SLC25A26: variants seen among roughly 807,000 people sequenced by gnomAD.
SLC25A26 encodes mitochondrial S-adenosylmethionine carrier protein.
A neutral mutation model predicts 37.8 loss-of-function variants in SLC25A26; 36 were observed. The ratio of observed to expected loss-of-function variants is 0.95; its 90% CI spans 0.73 to 1.26. The LOEUF is 1.26. SLC25A26 is among the 50% of genes most tolerant of loss of function. The probability of loss-of-function intolerance (pLI) is 0.00; values close to 1 mark genes in which losing one functional copy is unlikely to be tolerated. For missense variants in SLC25A26, 390 were observed against 331.1 expected (o/e 1.18, Z -1.38); for synonymous variants, 129 against 122.5 (o/e 1.05, Z -0.35).
chr3:66,307,542 C>T (rs535128045), intron 5 of SLC25A26, among the ~76,000 whole-genome samples: 33 of 152,220 alleles, frequency 2.2e-4, no homozygotes, highest in African/African-American at 6.0e-4. Flanking sequence ...CTGTTGTTGC[C>T]GTTGCTTTTG....
At chr3:66,167,211 G>A (rs914770042) in intron 1 of SLC25A26, among the ~76,000 whole-genome samples, 5 of 152,152 alleles carry the variant, frequency 3.3e-5, no homozygotes, top group Non-Finnish European at 4.4e-5. Flanking sequence ...AGATTGGTTC[G>A]AGGAAAGGGT....
At position 66,284,059 on chromosome 3, in the gene SLC25A26, G is replaced by A. The variant is rs532876972; in HGVS notation, c.453+20680G>A. On this transcript the variant is annotated intron_variant, in intron 5 of 9. Coordinates refer to ENST00000354883, the MANE Select transcript of SLC25A26 (RefSeq NM_001379210.1). ...TTAATATTACACACTTAAATATTTC[G>A]GGATAGACTGGGCATGGTGGCTCAT... Among the ~76,000 whole-genome samples, 7 of 151,798 alleles carry A rather than the reference G, an allele frequency of 4.6e-5. No homozygotes were observed. In the East Asian group the frequency reaches 7.8e-4, roughly 17 times the overall value.
chr3:66,161,322 T>C (rs1270944197), intron 1 of SLC25A26, among the ~76,000 whole-genome samples: 1 of 152,184 alleles, frequency 6.6e-6, no homozygotes, highest in Non-Finnish European at 1.5e-5. Flanking sequence ...AGGTTAGATA[T>C]CTGAAATTTT....
At chr3:66,310,625 G>T (rs1303399504) in intron 5 of SLC25A26, among the ~76,000 whole-genome samples, 1 of 152,168 alleles carries the variant, frequency 6.6e-6, no homozygotes, top group Non-Finnish European at 1.5e-5. Flanking sequence ...TGCAGTAGCT[G>T]GTATGGGATT....
At chr3:66,152,532 G>A (rs532678681) in intron 1 of SLC25A26, among the ~76,000 whole-genome samples, 1 of 152,038 alleles carries the variant, frequency 6.6e-6, no homozygotes, top group African/African-American at 2.4e-5. Flanking sequence ...TTCATTTTTT[G>A]GCTGACTTCC....
intron 6 of SLC25A26, among the ~76,000 whole-genome samples, chr3:66,355,555 G>A (rs768813789): frequency 6.6e-6 from 1 of 152,140 alleles, no homozygotes; most frequent in South Asian, 2.1e-4. Context: ...ATGGTGTGGC[G>A]GAATGAAAGC....
intron 5 of SLC25A26, among the ~76,000 whole-genome samples, chr3:66,284,535 A>C (rs1430514467): frequency 6.6e-6 from 1 of 152,150 alleles, no homozygotes; most frequent in Non-Finnish European, 1.5e-5. Context: ...TATGCATATC[A>C]ATATTGTTTA....
intron 5 of SLC25A26, among the ~76,000 whole-genome samples, chr3:66,339,591 A>G (rs142973233): frequency 1.4e-3 from 212 of 152,058 alleles, no homozygotes; most frequent in Non-Finnish European, 2.3e-3. Flanking sequence ...GGGAGTTTGT[A>G]TCTCATCATG....
intron 5 of SLC25A26, among the ~76,000 whole-genome samples, chr3:66,334,579 G>C (rs563907857): frequency 2.8e-4 from 43 of 152,330 alleles, no homozygotes; most frequent in African/African-American, 1.0e-3. Context: ...GCCTCCCAAA[G>C]TGCTAGGATT....
In SLC25A26 at chr3:66,256,012, G is replaced by C. The variant is rs1272236090; in HGVS notation, c.301-6039G>C. ...AAAACACAATAGTAAGAACTTGGAG[G>C]GTTATGAAGCATGAAGTTCCATAAA... On this transcript the variant is annotated intron_variant, in intron 3 of 9. Transcript: ENST00000354883. Among the ~76,000 whole-genome samples, 4 of 152,226 alleles carry C rather than the reference G, an allele frequency of 2.6e-5. No homozygotes were observed. In the East Asian group the frequency reaches 7.7e-4, roughly 29 times the overall value.
chr3:66,366,204 C>G (rs1266678439), intron 7 of SLC25A26, among the ~76,000 whole-genome samples: 1 of 152,200 alleles, frequency 6.6e-6, no homozygotes, highest in Non-Finnish European at 1.5e-5. Context: ...ACAAAAGCAG[C>G]CTGTAATTGC....
intron 1 of SLC25A26, among the ~76,000 whole-genome samples, chr3:66,175,463 G>A (rs1335168480): frequency 6.6e-6 from 1 of 152,118 alleles, no homozygotes; most frequent in Non-Finnish European, 1.5e-5. Context: ...GACCTCAGGT[G>A]ATTCACCCGC....
chr3:66,373,922 GGAT>G (rs1700490766), intron 9 of SLC25A26, among the ~76,000 whole-genome samples: 1 of 152,114 alleles, frequency 6.6e-6, no homozygotes, highest in Non-Finnish European at 1.5e-5. Flanking sequence ...TTGGGAGAAA[GGAT>G]GCAGTCAGGT....
intron 1 of SLC25A26, among the ~76,000 whole-genome samples, chr3:66,190,238 T>G (rs1307730804): frequency 1.3e-4 from 20 of 151,630 alleles, no homozygotes; most frequent in Admixed American, 9.2e-4. Context: ...TAGATTGAGC[T>G]TGGGAGGTAA....
At chr3:66,218,288 G>A (rs894601734), upstream of SLC25A26, among the ~76,000 whole-genome samples, 1 of 152,174 alleles carries the variant, frequency 6.6e-6, no homozygotes, top group Non-Finnish European at 1.5e-5. Context: ...GGATAAAGCT[G>A]CTTTGAAATA....
chr3:66,174,000 C>T (rs1396421657), intron 1 of SLC25A26, among the ~76,000 whole-genome samples: 1 of 151,904 alleles, frequency 6.6e-6, no homozygotes, highest in African/African-American at 2.4e-5. Context: ...TTGCAGTGAG[C>T]CGAGATCGTG....
chr3:66,355,075 A>G (rs2076545138), intron 6 of SLC25A26, among the ~76,000 whole-genome samples: 1 of 152,144 alleles, frequency 6.6e-6, no homozygotes, highest in Non-Finnish European at 1.5e-5. Context: ...GTCAGAATAA[A>G]TATCCCCCCA....
At chr3:66,351,740 G>A (rs1437815845) in intron 6 of SLC25A26, among the ~76,000 whole-genome samples, 7 of 152,124 alleles carry the variant, frequency 4.6e-5, no homozygotes, top group Non-Finnish European at 8.8e-5. Flanking sequence ...TAGCAAAGTT[G>A]TCTTATGCTT....
intron 1 of SLC25A26, among the ~76,000 whole-genome samples, chr3:66,229,814 C>T (rs1432603208): frequency 6.6e-6 from 1 of 152,018 alleles, no homozygotes; most frequent in Non-Finnish European, 1.5e-5. Flanking sequence ...GAAGAATAAT[C>T]GAGTCAGATT....
Sources: gnomAD v4.1 joint callset for allele counts (sites outside exome capture counted in the v4.1 genomes callset) on GRCh38, gnomAD v4.1.1 for gene constraint, MANE v1.5 for transcripts, NCBI Gene and HGNC (gene_info 2026-07-23, HGNC 2026-07-21) for gene names.